Variants in DERA observed in about 807,000 individuals in gnomAD.
DERA encodes the protein 2-deoxy-D-ribose 5-phosphate aldolase.
A neutral mutation model predicts 41.1 loss-of-function variants in DERA; 15 were observed. The observed-to-expected ratio is 0.37, with a 90% CI of 0.24 to 0.56. The LOEUF (loss-of-function observed/expected upper bound fraction) is 0.56. DERA is among the 20% of genes least tolerant of loss of function. The pLI, the probability that DERA is intolerant of heterozygous loss-of-function variation, is 0.81. For synonymous variants in DERA, 139 were observed against 137.4 expected, an observed-to-expected ratio of 1.01 and a Z score of -0.08; for missense variants, 396 against 403.4, an observed-to-expected ratio of 0.98 and a Z score of 0.16.
intron 1 of DERA, among the ~76,000 whole-genome samples, chr12:15,942,584 C>A (rs995984712): frequency 6.6e-6 from 1 of 152,178 alleles, no homozygotes. Flanking sequence ...ATCTGGCTTG[C>A]CAGTTTTCCT....
intron 6 of DERA, among the ~76,000 whole-genome samples, chr12:15,986,758 C>G (rs892444392): frequency 3.9e-5 from 6 of 152,236 alleles, no homozygotes; most frequent in Admixed American, 1.3e-4. Context: ...TTTATGTTTT[C>G]CCTAAATGTA....
chr12:15,934,143 C>G (rs555221098), intron 1 of DERA, among the ~76,000 whole-genome samples: 28 of 152,232 alleles, frequency 1.8e-4, no homozygotes, highest in African/African-American at 6.7e-4. Flanking sequence ...ATCACAGAAC[C>G]AGAACCTAGA....
chr12:15,973,539 TAGTA>T (rs1302049634), intron 5 of DERA, among the ~76,000 whole-genome samples: 1 of 152,100 alleles, frequency 6.6e-6, no homozygotes, highest in Non-Finnish European at 1.5e-5. Context: ...GCAGAAAAAA[TAGTA>T]AGGGCTCTGG....
At position 16,026,219 on chromosome 12, in the gene DERA, G is replaced by T. The variant is rs981517414; in HGVS notation, c.638-6323G>T. Among the ~76,000 whole-genome samples the T allele has an allele frequency of 1.3e-5, 2 of 150,926 alleles. No individual in the cohort carries two copies. Among genetic ancestry groups the T allele is most frequent in the African/African-American group, 4.9e-5 (2 of 41,146 alleles). The stretch of plus-strand genomic sequence containing the variant: ...TGAAATTGAAAACAAAAACAACAGA[G>T]AAATTTTTTTTTTTAAATATCCTAA... On this transcript the variant is annotated intron_variant, in intron 6 of 8. Coordinates refer to ENST00000428559, the MANE Select transcript of DERA (RefSeq NM_015954.4). The surrounding 1 kb of genome is among the most constrained non-coding windows in gnomAD (Gnocchi z 4.4).
At chr12:15,964,900 A>G (rs998557129) in intron 5 of DERA, among the ~76,000 whole-genome samples, 1 of 152,242 alleles carries the variant, frequency 6.6e-6, no homozygotes, top group Non-Finnish European at 1.5e-5. Context: ...TAATTTCCCA[A>G]TAACAGGCGT....
At position 15,937,667 on chromosome 12, in the gene DERA, C is replaced by T. The variant is rs191313589; in HGVS notation, c.32-19269C>T. On this transcript the variant is annotated intron_variant, in intron 1 of 8. Transcript: ENST00000428559. The stretch of plus-strand genomic sequence containing the variant: ...GTTAAATTACATGTTTTTCTTCTCC[C>T]TTCTCCTTTGGTGGTTAACACTAAC... 1.0e-3 allele frequency among the ~76,000 whole-genome samples: 152 copies of T among 152,122 alleles called. 1 individual carries two copies. Among genetic ancestry groups the T allele is most frequent in the Non-Finnish European group, 7.9e-4 (54 of 67,956 alleles).
chr12:16,008,134 T>C lies in DERA; in HGVS notation c.638-24408T>C, dbSNP rs1198328666. Among the ~76,000 whole-genome samples, 2 of 152,124 alleles carry C rather than the reference T, an allele frequency of 1.3e-5. No individual in the cohort carries two copies. Among genetic ancestry groups the C allele is most frequent in the Non-Finnish European group, 2.9e-5 (2 of 68,016 alleles). On this transcript the variant is annotated intron_variant, in intron 6 of 8. Transcript: ENST00000428559. This position sits in a 1 kb window ranked among gnomAD's most constrained non-coding sequence, Gnocchi z 4.8. ...TCCCAAAGTGCTGGGATTACAGGAGTGAGCCACTGCAACAGGCCAGATAAC... is the reference window on the plus strand; with the variant it reads ...TCCCAAAGTGCTGGGATTACAGGAGCGAGCCACTGCAACAGGCCAGATAAC...
rs975532357 is a variant in DERA, at chr12:15,970,981, T to C, written c.508+8034T>C. 3.9e-5 allele frequency among the ~76,000 whole-genome samples: 6 copies of C among 152,170 alleles called. No homozygotes were observed. Among genetic ancestry groups the C allele is most frequent in the African/African-American group, 1.4e-4 (6 of 41,446 alleles). ...AGCAAAATGGGGCCAAGGCAGAAAA[T>C]CCAGGTTGTAAGATTTGGAAAAAGG... On this transcript the variant is annotated intron_variant, in intron 5 of 8. Coordinates refer to ENST00000428559, the MANE Select transcript of DERA (RefSeq NM_015954.4). The surrounding 1 kb of genome is among the most constrained non-coding windows in gnomAD (Gnocchi z 4.3).
At chr12:15,997,499 G>C (rs1372863882) in intron 6 of DERA, among the ~76,000 whole-genome samples, 2 of 152,172 alleles carry the variant, frequency 1.3e-5, no homozygotes, top group African/African-American at 4.8e-5. Flanking sequence ...GCTCAGCAAG[G>C]TGTTCGGTAA....
intron 1 of DERA, among the ~76,000 whole-genome samples, chr12:15,923,012 TTTTGC>T: frequency 6.7e-6 from 1 of 148,890 alleles, no homozygotes; most frequent in Admixed American, 6.7e-5. Context: ...TGGTTTTTGT[TTTTGC>T]TTTTTTTTTT....
rs148066066 is a variant in DERA at position 15,998,566 on chromosome 12, C to T, written c.637+16130C>T. On this transcript the variant is annotated intron_variant, in intron 6 of 8. Transcript: ENST00000428559. This position sits in a 1 kb window ranked among gnomAD's most constrained non-coding sequence, Gnocchi z 4.8. ...TCCTGACCTCAGGTGATCCGCCTGC[C>T]TCAGCCTCCCAATGTGCTGGAATTA... Among the ~76,000 whole-genome samples the T allele has an allele frequency of 4.3e-3, 661 of 152,222 alleles. 8 individuals are homozygous for T. The highest frequency in any genetic ancestry group is 0.015 in the African/African-American group (624 of 41,528).
At chr12:15,956,571 A>G (rs1187471349) in intron 1 of DERA, 1 of 366,178 alleles carries the variant, frequency 2.7e-6, no homozygotes, top group African/African-American at 2.1e-5. Context: ...GACACTCACC[A>G]GTAAGTCTTT....
rs1272513363 is a variant in DERA, at chr12:15,967,128, T to A, written c.508+4181T>A. Among the ~76,000 whole-genome samples the A allele has an allele frequency of 6.6e-6, 1 of 151,770 alleles. No individual in the cohort carries two copies. The highest frequency in any genetic ancestry group is 1.5e-5 in the Non-Finnish European group (1 of 67,990). ...ACTCTGGGAGGCTGAGGCAGGCAGATCACTTGAGCCCAGGAGTTCAAGACC... is the reference window on the plus strand; with the variant it reads ...ACTCTGGGAGGCTGAGGCAGGCAGAACACTTGAGCCCAGGAGTTCAAGACC... On this transcript the variant is annotated intron_variant, in intron 5 of 8. Transcript: ENST00000428559. This position sits in a 1 kb window ranked among gnomAD's most constrained non-coding sequence, Gnocchi z 4.9.
At chr12:15,955,401 G>T (rs1366453337) in intron 1 of DERA, among the ~76,000 whole-genome samples, 1 of 152,130 alleles carries the variant, frequency 6.6e-6, no homozygotes, top group African/African-American at 2.4e-5. Flanking sequence ...ATTTTCTCGG[G>T]CTCTGCTAGA....
chr12:16,007,680 C>T (rs763764949), intron 6 of DERA, among the ~76,000 whole-genome samples: 1 of 152,126 alleles, frequency 6.6e-6, no homozygotes, highest in Non-Finnish European at 1.5e-5. Context: ...GGGGTTGTCT[C>T]CCCATGAAGG....
intron 6 of DERA, among the ~76,000 whole-genome samples, chr12:16,032,165 G>C (rs1949096925): frequency 6.6e-6 from 1 of 152,146 alleles, no homozygotes; most frequent in African/African-American, 2.4e-5. Context: ...AGGAGAAAAT[G>C]AGTAGGCACT....
At chr12:16,015,484 A>G (rs572366609) in intron 6 of DERA, among the ~76,000 whole-genome samples, 1 of 152,126 alleles carries the variant, frequency 6.6e-6, no homozygotes, top group Non-Finnish European at 1.5e-5. Flanking sequence ...CTTCCTTTTC[A>G]TCTTCTGTCA....
rs1565608799 is a variant in DERA at position 15,995,921 on chromosome 12, A to G, written c.637+13485A>G. Among the ~76,000 whole-genome samples, 1 of 152,146 alleles carries G rather than the reference A, an allele frequency of 6.6e-6. No homozygotes were observed. On this transcript the variant is annotated intron_variant, in intron 6 of 8. Transcript: ENST00000428559. This position sits in a 1 kb window ranked among gnomAD's most constrained non-coding sequence, Gnocchi z 5.1. ...ACCAACTTTTAGACATTGTGGGAAG[A>G]TGGCTTTTGAGCTAGTTATTATAGG...
At chr12:16,032,309 A>G (rs1949097959) in intron 6 of DERA, among the ~76,000 whole-genome samples, 1 of 152,232 alleles carries the variant, frequency 6.6e-6, no homozygotes, top group African/African-American at 2.4e-5. Context: ...AGGCAAGAGT[A>G]TCAGAGGTCA....
Sources: allele counts gnomAD v4.1 joint callset (sites outside exome capture counted in the v4.1 genomes callset), GRCh38; gene constraint gnomAD v4.1.1; non-coding constraint Gnocchi (gnomAD v3.1); transcripts MANE v1.5; gene names NCBI Gene and HGNC (gene_info 2026-07-23, HGNC 2026-07-21).